TRPC7: variants seen among roughly 807,000 people sequenced by gnomAD.
TRPC7 encodes the protein transient receptor potential cation channel subfamily C member 7.
TRPC7 carries 42 observed loss-of-function variants against 90.1 expected under a neutral mutation model. The observed-to-expected ratio is 0.47, with a 90% CI of 0.36 to 0.60. TRPC7 has a LOEUF of 0.60. TRPC7 is among the 20% of genes least tolerant of loss of function. The pLI is 0.00. For synonymous variants in TRPC7, 451 were observed against 436.3 expected, an observed-to-expected ratio of 1.03 and a Z score of -0.42; for missense variants, 955 against 1,112.3, an observed-to-expected ratio of 0.86 and a Z score of 2.01.
chr5:136,345,831 A>G (rs934281760), intron 2 of TRPC7, among the ~76,000 whole-genome samples: 2 of 152,110 alleles, frequency 1.3e-5, no homozygotes, highest in Non-Finnish European at 2.9e-5. Flanking sequence ...TTATGGTTTT[A>G]AGTCTAACAT....
At chr5:136,255,731 G>A (rs1183917310) in intron 5 of TRPC7, among the ~76,000 whole-genome samples, 5 of 152,186 alleles carry the variant, frequency 3.3e-5, no homozygotes, top group Non-Finnish European at 4.4e-5. Flanking sequence ...ATGTGTATAT[G>A]TATTATCTTA....
intron 7 of TRPC7, among the ~76,000 whole-genome samples, chr5:136,239,118 A>G (rs1247763641): frequency 6.6e-6 from 1 of 152,068 alleles, no homozygotes; most frequent in Non-Finnish European, 1.5e-5. Flanking sequence ...AAGCTCTCTC[A>G]TCCCTCCCAA....
intron 7 of TRPC7, among the ~76,000 whole-genome samples, chr5:136,239,207 G>C (rs1756081582): frequency 6.6e-6 from 1 of 152,140 alleles, no homozygotes; most frequent in Admixed American, 6.5e-5. Flanking sequence ...GGCTGGTCTC[G>C]AATTCCTGGG....
chr5:136,336,469 G>T (rs1580969899), intron 2 of TRPC7, among the ~76,000 whole-genome samples: 2 of 150,518 alleles, frequency 1.3e-5, no homozygotes, highest in African/African-American at 4.9e-5. Flanking sequence ...AAAATGTTTT[G>T]TAGAAATGAG....
At chr5:136,341,148 GA>G (rs747794877) in intron 2 of TRPC7, among the ~76,000 whole-genome samples, 42 of 152,292 alleles carry the variant, frequency 2.8e-4, no homozygotes, top group Middle Eastern at 6.8e-3. Context: ...TGTGGTCACA[GA>G]AGTACAGAAA....
chr5:136,289,325 T>A (rs772274504), intron 3 of TRPC7, among the ~76,000 whole-genome samples: 2 of 152,196 alleles, frequency 1.3e-5, no homozygotes, highest in African/African-American at 2.4e-5. Context: ...GCACCATGCG[T>A]GAGCCGAAGC....
At chr5:136,254,385 G>A (rs949579618) in intron 5 of TRPC7, among the ~76,000 whole-genome samples, 1 of 152,168 alleles carries the variant, frequency 6.6e-6, no homozygotes, top group Middle Eastern at 3.2e-3. Context: ...TGCGGCTGGT[G>A]ACTTTAAGTT....
intron 5 of TRPC7, among the ~76,000 whole-genome samples, chr5:136,257,877 G>GCT (rs1756735433): frequency 6.6e-6 from 1 of 152,172 alleles, no homozygotes; most frequent in South Asian, 2.1e-4. Context: ...GAGTGGAACT[G>GCT]CTTTTAGCAT....
At chr5:136,340,726 T>G (rs1276608628) in intron 2 of TRPC7, among the ~76,000 whole-genome samples, 1 of 151,838 alleles carries the variant, frequency 6.6e-6, no homozygotes, top group Non-Finnish European at 1.5e-5. Context: ...AAAGACAAGT[T>G]GAAAAAATAT....
At chr5:136,287,725 A>AAAAAAAAAC (rs1561702560) in intron 3 of TRPC7, among the ~76,000 whole-genome samples, 4 of 131,942 alleles carry the variant, frequency 3.0e-5, no homozygotes, top group African/African-American at 9.1e-5. Flanking sequence ...AAAAAAAAAA[A>AAAAAAAAAC]AAAACCCAGA....
In TRPC7 at chr5:136,247,802, G is replaced by T. The variant is rs369013089; in HGVS notation, c.1580-67C>A. ...CTATTCTAGAAGAGAAACCAGTTAG[G>T]CATCTTTAGAGGTCTCCAACTGCAT... On this transcript the variant is annotated intron_variant, in intron 6 of 11. Coordinates refer to ENST00000513104, the MANE Select transcript of TRPC7 (RefSeq NM_020389.3). This position sits in a 1 kb window ranked among gnomAD's most constrained non-coding sequence, Gnocchi z 4.2. 35 of 1,541,488 alleles carry T rather than the reference G, an allele frequency of 2.3e-5. 1 individual carries two copies. In the Middle Eastern group the frequency reaches 1.1e-3, roughly 47 times the overall value.
chr5:136,271,769 C>CA (rs1263077256), intron 4 of TRPC7, among the ~76,000 whole-genome samples: 3 of 152,162 alleles, frequency 2.0e-5, no homozygotes, highest in East Asian at 1.9e-4. Flanking sequence ...TATACGTAGC[C>CA]ATCTGTGACT....
intron 7 of TRPC7, among the ~76,000 whole-genome samples, chr5:136,243,034 G>A (rs1364466100): frequency 6.6e-6 from 1 of 152,200 alleles, no homozygotes; most frequent in African/African-American, 2.4e-5. Context: ...TTTAGAACTG[G>A]AAGACACTGG....
chr5:136,225,976 A>G, intron 9 of TRPC7, 58 bp downstream of exon 9: 1 of 1,449,818 alleles, frequency 6.9e-7, no homozygotes, highest in Non-Finnish European at 9.4e-7. Flanking sequence ...AACACACTCT[A>G]GACTCGCCTG....
intron 2 of TRPC7, among the ~76,000 whole-genome samples, chr5:136,351,541 C>T (rs2017353): frequency 0.36 from 54,829 of 152,074 alleles, 10,097 homozygotes; most frequent in Admixed American, 0.46. Context: ...GCTTATTCAG[C>T]GGCAGCCCAG....
At chr5:136,311,978 T>C (rs1377621234) in intron 3 of TRPC7, among the ~76,000 whole-genome samples, 1 of 152,238 alleles carries the variant, frequency 6.6e-6, no homozygotes, top group Non-Finnish European at 1.5e-5. Context: ...CATTTAATTT[T>C]CATTATAACC....
At chr5:136,253,954 G>A (rs1756607671) in intron 5 of TRPC7, among the ~76,000 whole-genome samples, 2 of 152,210 alleles carry the variant, frequency 1.3e-5, no homozygotes, top group Admixed American at 1.3e-4. Context: ...TACTACTCCA[G>A]TGAACTCATG....
At chr5:136,228,778 C>T (rs945819168) in intron 8 of TRPC7, among the ~76,000 whole-genome samples, 8 of 152,176 alleles carry the variant, frequency 5.3e-5, no homozygotes, top group East Asian at 1.9e-4. Context: ...TGATCATGAA[C>T]GCCTGGCATT....
chr5:136,302,682 A>C (rs1218311024), intron 3 of TRPC7, among the ~76,000 whole-genome samples: 2 of 152,296 alleles, frequency 1.3e-5, no homozygotes, highest in Admixed American at 1.3e-4. Flanking sequence ...ATGCTGCTTG[A>C]CACCAAAACA....
Sources: allele counts gnomAD v4.1 joint callset (sites outside exome capture counted in the v4.1 genomes callset), GRCh38; gene constraint gnomAD v4.1.1; non-coding constraint Gnocchi (gnomAD v3.1); transcripts MANE v1.5; gene names NCBI Gene and HGNC (gene_info 2026-07-23, HGNC 2026-07-21).